Variants in COL14A1 observed in about 807,000 individuals in gnomAD.
The protein encoded by COL14A1 is collagen type XIV alpha 1 chain.
A neutral mutation model predicts 230.3 loss-of-function variants in COL14A1; 136 were observed. The ratio of observed to expected loss-of-function variants is 0.59; its 90% confidence interval spans 0.51 to 0.68. The LOEUF (loss-of-function observed/expected upper bound fraction) is 0.68. COL14A1 is among the 30% of genes least tolerant of loss of function. The pLI, the probability that COL14A1 is intolerant of heterozygous loss-of-function variation, is 0.00. For synonymous variants in COL14A1, 792 were observed against 784.1 expected, an observed-to-expected ratio of 1.01 and a Z score of -0.17; for missense variants, 1,976 against 2,215.8, an observed-to-expected ratio of 0.89 and a Z score of 2.17.
intron 5 of COL14A1, among the ~76,000 whole-genome samples, chr8:120,193,062 C>T (rs776352647): frequency 9.8e-5 from 15 of 152,338 alleles, no homozygotes; most frequent in South Asian, 2.1e-4. Flanking sequence ...AGTCATTCTC[C>T]GTCCAGCTTT....
At chr8:120,367,529 A>G (rs1823444608) in intron 46 of COL14A1, among the ~76,000 whole-genome samples, 2 of 152,198 alleles carry the variant, frequency 1.3e-5, no homozygotes. Context: ...GATTTACACA[A>G]TAAAGCTTTA....
Position 120,209,749 on chromosome 8 carries a change from C to A in COL14A1, c.1322-7C>A. 6.3e-7 allele frequency: 1 copy of A among 1,596,828 alleles called. No homozygotes were observed. Among genetic ancestry groups the A allele is most frequent in the South Asian group, 1.1e-5 (1 of 87,746 alleles). ...TGGCTCAACATTTAAAAAAAAATCT[C>A]TTGCAGTTGCTTTACCGATGGCTTC... On this transcript the variant is annotated splice_region_variant and splice_polypyrimidine_tract_variant and intron_variant, in intron 11 of 47. Coordinates refer to ENST00000297848, the MANE Select transcript of COL14A1 (RefSeq NM_021110.4).
At chr8:120,134,831 T>C (rs1814655486) in intron 1 of COL14A1, among the ~76,000 whole-genome samples, 1 of 151,912 alleles carries the variant, frequency 6.6e-6, no homozygotes, top group South Asian at 2.1e-4. Flanking sequence ...AAAAAACAGT[T>C]GGGTATGGTG....
chr8:120,137,503 TCA>T (rs1563629950), intron 1 of COL14A1, among the ~76,000 whole-genome samples: 3 of 152,088 alleles, frequency 2.0e-5, no homozygotes, highest in Admixed American at 1.3e-4. Flanking sequence ...TAATTTGGAT[TCA>T]GTTTGCTCTT....
chr8:120,313,838 G>T, intron 37 of COL14A1, 94 bp from the exon 38 acceptor site: 1 of 783,310 alleles, frequency 1.3e-6, no homozygotes, highest in Non-Finnish European at 2.1e-6. Flanking sequence ...AACTATATAA[G>T]AAAACAAATT....
At chr8:120,296,266 G>A (rs1820528518) in intron 34 of COL14A1, among the ~76,000 whole-genome samples, 1 of 151,806 alleles carries the variant, frequency 6.6e-6, no homozygotes, top group Non-Finnish European at 1.5e-5. Context: ...TTTGACTTAT[G>A]GATTTGCTTT....
intron 7 of COL14A1, 53 bp from the exon 8 acceptor site, chr8:120,199,349 G>A (rs868509191): frequency 6.8e-7 from 1 of 1,470,928 alleles, no homozygotes; most frequent in Non-Finnish European, 9.0e-7. Context: ...TGAAGAATTA[G>A]GAGACTTTTT....
chr8:120,144,111 A>G (rs1815008375), intron 1 of COL14A1, among the ~76,000 whole-genome samples: 1 of 152,182 alleles, frequency 6.6e-6, no homozygotes, highest in African/African-American at 2.4e-5. Context: ...ATTTTGATAA[A>G]TGATAAGCAT....
rs1812180921 is a variant in COL14A1 at position 120,372,127 on chromosome 8, C to T, written c.*896C>T. 1 of 152,412 alleles carries T rather than the reference C, an allele frequency of 6.6e-6. No individual in the cohort carries two copies. Among genetic ancestry groups the T allele is most frequent in the Non-Finnish European group, 1.5e-5 (1 of 68,174 alleles). The allele number at this position is 152,412 out of a possible 1,614,324, so 9.4% of individuals were successfully genotyped here. ...CCACCAGAAAGACAACAGTTGTCTT[C>T]CTTTAGGTAAGCATTCAAACTTTCA... is the stretch of plus-strand genomic sequence containing the variant. On this transcript the variant is annotated 3_prime_UTR_variant, in exon 48 of 48. Coordinates refer to ENST00000297848, the MANE Select transcript of COL14A1 (RefSeq NM_021110.4).
intron 5 of COL14A1, among the ~76,000 whole-genome samples, chr8:120,168,609 T>TGAAGATTCAAAG (rs1012456277): frequency 1.3e-5 from 2 of 152,206 alleles, no homozygotes; most frequent in African/African-American, 4.8e-5. Context: ...AGCCTGCCTT[T>TGAAGATTCAAAG]ACCACTTTGA....
intron 14 of COL14A1, among the ~76,000 whole-genome samples, chr8:120,224,471 G>A (rs148609621): frequency 6.6e-6 from 1 of 152,166 alleles, no homozygotes; most frequent in East Asian, 1.9e-4. Flanking sequence ...TTACTTTATG[G>A]TTTCTTTTTT....
chr8:120,197,153 A>G (rs1047657298), intron 6 of COL14A1, among the ~76,000 whole-genome samples: 1 of 152,282 alleles, frequency 6.6e-6, no homozygotes, highest in African/African-American at 2.4e-5. Context: ...ATTATTGAAC[A>G]TATTTTAATC....
chr8:120,180,639 C>G (rs1383217758), intron 5 of COL14A1, among the ~76,000 whole-genome samples: 1 of 151,390 alleles, frequency 6.6e-6, no homozygotes, highest in Non-Finnish European at 1.5e-5. Context: ...AAGTCCCCCC[C>G]AGAGTTTCAG....
chr8:120,253,916 C>T (rs1819056648), intron 22 of COL14A1, among the ~76,000 whole-genome samples: 1 of 152,142 alleles, frequency 6.6e-6, no homozygotes, highest in East Asian at 1.9e-4. Flanking sequence ...AAGAGCGAGA[C>T]TCCATCTCAA....
At chr8:120,298,549 A>G (rs1177425974) in intron 35 of COL14A1, among the ~76,000 whole-genome samples, 1 of 143,958 alleles carries the variant, frequency 6.9e-6, no homozygotes, top group Non-Finnish European at 1.5e-5. Flanking sequence ...TTTTATTCCT[A>G]TATAAGCATA....
At chr8:120,130,681 T>G (rs561458674) in intron 1 of COL14A1, among the ~76,000 whole-genome samples, 3 of 152,316 alleles carry the variant, frequency 2.0e-5, no homozygotes, top group African/African-American at 7.2e-5. Context: ...AATAAAAATA[T>G]GCCAATAAAT....
At chr8:120,199,751 C>T (rs1227574797) in intron 8 of COL14A1, among the ~76,000 whole-genome samples, 185 bp downstream of exon 8, 8 of 151,990 alleles carry the variant, frequency 5.3e-5, no homozygotes, top group Non-Finnish European at 1.0e-4. Context: ...GGGAGTGATG[C>T]TAGCTGTCAT....
chr8:120,295,141 AT>A (rs1215910363), intron 34 of COL14A1, among the ~76,000 whole-genome samples: 2 of 151,806 alleles, frequency 1.3e-5, no homozygotes, highest in African/African-American at 2.4e-5. Context: ...GAAATGGAAA[AT>A]TTCTTAATGG....
chr8:120,180,468 G>C (rs571321647), intron 5 of COL14A1, among the ~76,000 whole-genome samples: 72 of 152,248 alleles, frequency 4.7e-4, no homozygotes, highest in African/African-American at 1.7e-3. Context: ...ACTCTAACTA[G>C]TTTAAGGACA....
Sources: gnomAD v4.1 joint callset for allele counts (sites outside exome capture counted in the v4.1 genomes callset) on GRCh38, gnomAD v4.1.1 for gene constraint, MANE v1.5 for transcripts, NCBI Gene and HGNC (gene_info 2026-07-23, HGNC 2026-07-21) for gene names.